Variants in RIC1 observed in about 807,000 individuals in gnomAD.
RIC1 encodes the protein RIC1 partner of RAB6A GEF complex.
A neutral mutation model predicts 169.0 loss-of-function variants in RIC1; 88 were observed. The observed-to-expected ratio is 0.52, with a 90% CI of 0.44 to 0.62. RIC1 has a LOEUF of 0.62. Among genes scored for constraint, RIC1 ranks in the 20% least tolerant of loss-of-function variants. RIC1 has a pLI of 0.00. For synonymous variants in RIC1, 790 were observed against 601.5 expected (o/e 1.31, Z -4.59); for missense variants, 1,877 against 1,725.5 (o/e 1.09, Z -1.56).
In RIC1 at chr9:5,752,883, A is replaced by G. The variant is rs183810090; in HGVS notation, c.1453-317A>G. On this transcript the variant is annotated intron_variant, in intron 12 of 25. Transcript: ENST00000414202. ...CAAACCCAAACTGTTCATCTGCACA[A>G]TTCATAGCTGCCCTCACAGGTGCCT... is the stretch of plus-strand genomic sequence containing the variant. Among the ~76,000 whole-genome samples the G allele has an allele frequency of 3.7e-3, 568 of 152,318 alleles. 1 individual carries two copies. Among genetic ancestry groups the G allele is most frequent in the Middle Eastern group, 0.024 (7 of 294 alleles).
chr9:5,668,442 A>G lies in RIC1; in HGVS notation c.252+11752A>G, dbSNP rs73392620. Among the ~76,000 whole-genome samples the G allele has an allele frequency of 3.0e-3, 459 of 152,240 alleles. 1 individual carries two copies. Among genetic ancestry groups the G allele is most frequent in the African/African-American group, 0.01 (435 of 41,532 alleles). Reference sequence around the variant, plus strand: ...CCTTTTTGGAATTTCTTGGATTTGTATATTCACGGATTTCATTAAGGCTCC... The same window carrying G: ...CCTTTTTGGAATTTCTTGGATTTGTGTATTCACGGATTTCATTAAGGCTCC... On this transcript the variant is annotated intron_variant, in intron 2 of 25. Coordinates refer to ENST00000414202, the MANE Select transcript of RIC1 (RefSeq NM_020829.4).
In RIC1 at chr9:5,746,000, T is replaced by G; in HGVS notation, c.1165T>G (p.Ser389Ala). Reference sequence around the variant, plus strand: ...TGGTTCTCAAAACACTGAAATTGAGTCTGACCTCAGGAGTGTAGTTAAACA... The same window carrying G: ...TGGTTCTCAAAACACTGAAATTGAGGCTGACCTCAGGAGTGTAGTTAAACA... ...GFGSQNTEIESDLRSVVKQPS... is the reference protein window; with the variant it reads ...GFGSQNTEIEADLRSVVKQPS... The change falls in exon 11 of 26, where the codon TCT becomes GCT. Residue 389 changes from serine to alanine, a missense_variant. Transcript: ENST00000414202. 6.2e-7 allele frequency: 1 copy of G among 1,613,714 alleles called. No individual in the cohort carries two copies. Among genetic ancestry groups the G allele is most frequent in the Non-Finnish European group, 8.5e-7 (1 of 1,179,674 alleles).
chr9:5,685,555 G>A (rs1174260203), intron 2 of RIC1, among the ~76,000 whole-genome samples: 1 of 150,282 alleles, frequency 6.7e-6, no homozygotes, highest in Non-Finnish European at 1.5e-5. Flanking sequence ...AATGGTGCTG[G>A]GAAAACTGGC....
In RIC1 at chr9:5,629,335, A is replaced by C. The variant is rs865788531; in HGVS notation, c.26A>C (p.Lys9Thr). 6.7e-5 allele frequency: 103 copies of C among 1,530,070 alleles called. No individual in the cohort carries two copies. In the African/African-American group the frequency reaches 1.3e-3, roughly 20 times the overall value. The allele number at this position is 1,530,070 out of a possible 1,614,324, so 94.8% of individuals were successfully genotyped here. MYFLSGWP[K>T]RLLCPLGSPA... ...ATGTATTTTCTGAGCGGCTGGCCCA[A>C]GAGGCTGCTGTGCCCTCTGGGGAGC... The change falls in exon 1 of 26, where the codon AAG becomes ACG. Residue 9 changes from lysine to threonine, a missense_variant. Lys to Thr is a moderately conservative substitution (Grantham distance 78). Coordinates refer to ENST00000414202, the MANE Select transcript of RIC1 (RefSeq NM_020829.4).
chr9:5,760,784 G>A (rs1826279949), intron 17 of RIC1, among the ~76,000 whole-genome samples: 1 of 152,144 alleles, frequency 6.6e-6, no homozygotes, highest in Admixed American at 6.5e-5. Flanking sequence ...GTAAGCAAGA[G>A]TAGTTTGTAT....
intron 6 of RIC1, 83 bp downstream of exon 6, chr9:5,720,833 C>T: frequency 2.5e-6 from 3 of 1,217,518 alleles, no homozygotes; most frequent in Non-Finnish European, 3.4e-6. Context: ...CTATTTTCAT[C>T]ATTCATGTAA....
At chr9:5,738,619 TAAAC>T in intron 8 of RIC1, 81 bp downstream of exon 8, 1 of 808,666 alleles carries the variant, frequency 1.2e-6, no homozygotes, top group Non-Finnish European at 1.9e-6. Flanking sequence ...GATTTTAAGT[TAAAC>T]AATACATGTC....
intron 1 of RIC1, among the ~76,000 whole-genome samples, chr9:5,646,696 T>C (rs1329913717): frequency 6.6e-6 from 1 of 152,214 alleles, no homozygotes; most frequent in Non-Finnish European, 1.5e-5. Flanking sequence ...TAGTGATGCA[T>C]TTCTTGGAAC....
chr9:5,723,783 C>T (rs1282063460), intron 6 of RIC1, among the ~76,000 whole-genome samples: 1 of 152,180 alleles, frequency 6.6e-6, no homozygotes, highest in Non-Finnish European at 1.5e-5. Context: ...ATATGGCTAG[C>T]CCGTTTTACC....
chr9:5,645,849 C>G (rs1199748093), intron 1 of RIC1, among the ~76,000 whole-genome samples: 2 of 151,998 alleles, frequency 1.3e-5, no homozygotes, highest in East Asian at 1.9e-4. Flanking sequence ...GTGAATAATG[C>G]TGCTGTGAAC....
At chr9:5,701,276 C>G (rs908416318) in intron 3 of RIC1, among the ~76,000 whole-genome samples, 2 of 152,076 alleles carry the variant, frequency 1.3e-5, no homozygotes, top group Non-Finnish European at 2.9e-5. Context: ...TATATTGAAT[C>G]CTTTGGAGTA....
intron 2 of RIC1, among the ~76,000 whole-genome samples, chr9:5,679,974 G>A (rs1820713964): frequency 1.3e-5 from 2 of 152,198 alleles, no homozygotes; most frequent in Admixed American, 6.5e-5. Flanking sequence ...ATTGGCTGTG[G>A]GTTTGTCATA....
intron 2 of RIC1, among the ~76,000 whole-genome samples, 182 bp from the exon 3 acceptor site, chr9:5,689,777 C>G (rs574148271): frequency 2.6e-5 from 4 of 152,104 alleles, no homozygotes; most frequent in East Asian, 3.9e-4. Context: ...TGTAAAAACC[C>G]TTTTTTTCAA....
chr9:5,649,950 T>A (rs1420185072), intron 1 of RIC1, among the ~76,000 whole-genome samples: 3 of 152,152 alleles, frequency 2.0e-5, no homozygotes, highest in African/African-American at 7.2e-5. Flanking sequence ...TAGCCATATA[T>A]AGCATTAGTG....
chr9:5,757,938 A>G (rs1185576319), intron 17 of RIC1, among the ~76,000 whole-genome samples: 1 of 152,166 alleles, frequency 6.6e-6, no homozygotes, highest in Non-Finnish European at 1.5e-5. Flanking sequence ...GATAATATTG[A>G]TAATTTTAGA....
At chr9:5,728,625 C>T (rs1053041124) in intron 6 of RIC1, among the ~76,000 whole-genome samples, 4 of 152,196 alleles carry the variant, frequency 2.6e-5, no homozygotes, top group African/African-American at 9.7e-5. Context: ...ATCACTCATG[C>T]TGGGAGCTGT....
rs1817590098 is a variant in RIC1 at position 5,629,126 on chromosome 9, T to A, written c.-184T>A. On this transcript the variant is annotated 5_prime_UTR_variant, in exon 1 of 26. Transcript: ENST00000414202. The stretch of plus-strand genomic sequence containing the variant: ...TCCCCCACACTCGGCCCCGTCAGCT[T>A]GGGGGTGCCTTCGTCGCGCAGCCTT... The A allele has an allele frequency of 1.4e-5, 6 of 416,760 alleles. No individual in the cohort carries two copies. The highest frequency in any genetic ancestry group is 9.5e-5 in the South Asian group (1 of 10,526). The allele number at this position is 416,760 out of a possible 1,614,324, so 25.8% of individuals were successfully genotyped here.
In RIC1 at chr9:5,720,185, G is replaced by T. The variant is rs142541723; in HGVS notation, c.444G>T (p.Leu148Phe). ...AATTAATTGATTCTACCTACAGTTT[G>T]CAGTCTGTGTTGGAAGATCTCCTGG... ...ILDLQAPIMS[L>F]QSVLEDLLVA... Residue 148 changes from leucine (L) to phenylalanine (F), a missense_variant, in exon 5 of 26, where the codon TTG (leucine) becomes TTT (phenylalanine). Leu to Phe is a conservative substitution (Grantham distance 22). This residue lies in a region of RIC1 where 1,104 missense variants were observed against 992.0 expected (regional missense o/e 1.11). Coordinates refer to ENST00000414202, the MANE Select transcript of RIC1 (RefSeq NM_020829.4). 1 of 1,609,920 alleles carries T rather than the reference G, an allele frequency of 6.2e-7. No homozygotes were observed.
At chr9:5,716,471 G>T (rs1823247578) in intron 4 of RIC1, among the ~76,000 whole-genome samples, 2 of 151,990 alleles carry the variant, frequency 1.3e-5, no homozygotes, top group African/African-American at 4.8e-5. Context: ...AAATTAGCTG[G>T]GTGTGGTGGC....
Sources: gnomAD v4.1 joint callset for allele counts (sites outside exome capture counted in the v4.1 genomes callset) on GRCh38, gnomAD v4.1.1 for gene constraint, gnomAD v4.1.1 regional missense constraint, MANE v1.5 for transcripts, NCBI Gene and HGNC (gene_info 2026-07-23, HGNC 2026-07-21) for gene names.